Variants in HIF1A observed in about 807,000 individuals in gnomAD.
The protein encoded by HIF1A is hypoxia inducible factor 1 subunit alpha.
In HIF1A, 24 loss-of-function variants were observed where a neutral mutation model predicts 92.7. The ratio of observed to expected loss-of-function variants is 0.26; its 90% CI spans 0.19 to 0.36. HIF1A has a LOEUF of 0.36. Among genes scored for constraint, HIF1A ranks in the 10% least tolerant of loss-of-function variants. The pLI is 1.00. For missense variants in HIF1A, 799 were observed against 998.5 expected (o/e 0.80, Z 2.69); for synonymous variants, 319 against 338.7 (o/e 0.94, Z 0.64).
chr14:61,727,387 A>C (rs1053121484), intron 5 of HIF1A, 66 bp from the exon 6 acceptor site: 4 of 1,200,424 alleles, frequency 3.3e-6, no homozygotes, highest in Non-Finnish European at 5.0e-6. Flanking sequence ...TCAACTACTT[A>C]TCTCTGCTTT....
At chr14:61,724,861 T>C (rs911146726) in intron 4 of HIF1A, among the ~76,000 whole-genome samples, 1 of 152,214 alleles carries the variant, frequency 6.6e-6, no homozygotes, top group African/African-American at 2.4e-5. Context: ...CTTAAGTTAC[T>C]GATTGTGCTT....
intron 1 of HIF1A, among the ~76,000 whole-genome samples, chr14:61,712,574 CTT>C (rs1566563733): frequency 1.3e-5 from 2 of 148,248 alleles, no homozygotes; most frequent in South Asian, 2.2e-4. Flanking sequence ...TTCACTGTAA[CTT>C]ATATCTAGTA....
intron 12 of HIF1A, among the ~76,000 whole-genome samples, chr14:61,742,994 G>GATATCCA (rs2044732884): frequency 6.6e-6 from 1 of 152,016 alleles, no homozygotes; most frequent in South Asian, 2.1e-4. Context: ...CAGAGGATGG[G>GATATCCA]ATATCCAGTT....
At chr14:61,703,048 AGTCT>A (rs2044195480) in intron 1 of HIF1A, among the ~76,000 whole-genome samples, 1 of 152,214 alleles carries the variant, frequency 6.6e-6, no homozygotes, top group African/African-American at 2.4e-5. Flanking sequence ...TTTCAGATAT[AGTCT>A]GTTTTACCAT....
chr14:61,742,884 T>TAAAAA (rs2044730300), intron 12 of HIF1A, among the ~76,000 whole-genome samples: 1 of 2,784 alleles, frequency 3.6e-4, no homozygotes, highest in Non-Finnish European at 3.4e-3. Flanking sequence ...AAACTCGGTT[T>TAAAAA]CAAAAAAAAA....
At position 61,738,357 on chromosome 14, in the gene HIF1A, G is replaced by C. The variant is rs1237094820; in HGVS notation, c.1520G>C (p.Arg507Thr). 1.2e-6 allele frequency: 2 copies of C among 1,606,110 alleles called. No homozygotes were observed. The highest frequency in any genetic ancestry group is 1.3e-5 in the African/African-American group (1 of 74,532). The change falls in exon 10 of 15, where the codon AGA becomes ACA. Residue 507 changes from arginine to threonine, a missense_variant. Around this residue, in one of 2 missense-constraint regions of HIF1A, gnomAD observed 516 missense variants for 721.0 expected, o/e 0.72. Transcript: ENST00000337138. ...CCTAGTCCTTCCGATGGAAGCACTAGACAAAGTTCACCTGAGGTAGGTGTC... is the reference window on the plus strand; with the variant it reads ...CCTAGTCCTTCCGATGGAAGCACTACACAAAGTTCACCTGAGGTAGGTGTC... ...QTPSPSDGSTRQSSPEPNSPS... is the reference protein window; with the variant it reads ...QTPSPSDGSTTQSSPEPNSPS...
intron 1 of HIF1A, among the ~76,000 whole-genome samples, chr14:61,700,544 TCCAGCAACGGA>T (rs2044166003): frequency 1.3e-5 from 2 of 152,358 alleles, no homozygotes; most frequent in African/African-American, 4.8e-5. Context: ...TCTCCATTCA[TCCAGCAACGGA>T]CACTTGGGTT....
chr14:61,729,902 T>C (rs1389588194), intron 6 of HIF1A, among the ~76,000 whole-genome samples: 1 of 152,272 alleles, frequency 6.6e-6, no homozygotes, highest in Middle Eastern at 3.4e-3. Flanking sequence ...TTTAGAGCTC[T>C]TTCCAGGAAC....
At chr14:61,734,678 T>C (rs944883200) in intron 8 of HIF1A, among the ~76,000 whole-genome samples, 3 of 152,108 alleles carry the variant, frequency 2.0e-5, no homozygotes, top group Admixed American at 6.5e-5. Context: ...CTCCCTGACC[T>C]TGGGGAAGTC....
chr14:61,738,514 T>C (rs2044667209), intron 10 of HIF1A, 141 bp downstream of exon 10: 12 of 793,892 alleles, frequency 1.5e-5, no homozygotes, highest in South Asian at 1.2e-4. Flanking sequence ...TTTAAAATTA[T>C]TGCAAGAGCT....
chr14:61,702,454 A>C (rs912931457), intron 1 of HIF1A, among the ~76,000 whole-genome samples: 1 of 150,904 alleles, frequency 6.6e-6, no homozygotes, highest in African/African-American at 2.4e-5. Context: ...AAAAAAAAAA[A>C]AAATTAAAAA....
intron 8 of HIF1A, among the ~76,000 whole-genome samples, chr14:61,736,199 A>ACTC (rs1254372251): frequency 6.6e-6 from 1 of 151,372 alleles, no homozygotes; most frequent in East Asian, 1.9e-4. Context: ...AGGCTCTTGA[A>ACTC]CTCCCAGGCT....
rs139128917 is a variant in HIF1A at position 61,745,041 on chromosome 14, G to C, written c.2202+228G>C. 9.9e-5 allele frequency among the ~76,000 whole-genome samples: 15 copies of C among 152,208 alleles called. No homozygotes were observed. In the East Asian group the frequency reaches 2.9e-3, roughly 29 times the overall value. ...ATTCCAAACAATTCCAGTGTATTTT[G>C]AGTTAAAAAGTGAAGTTCTCCCCTT... On this transcript the variant is annotated intron_variant, in intron 13 of 14. Transcript: ENST00000337138.
rs368896131 is a variant in HIF1A at position 61,719,209 on chromosome 14, C to A, written c.36-1173C>A. 1.7e-3 allele frequency among the ~76,000 whole-genome samples: 261 copies of A among 152,234 alleles called. 4 individuals are homozygous for A. The highest frequency in any genetic ancestry group is 4.0e-3 in the Admixed American group (61 of 15,300). ...CTAAAAGTCCTTATTTAGCATACTG[C>A]CCAATGCTCACTAAATCATAATAGC... On this transcript the variant is annotated intron_variant, in intron 1 of 14. Coordinates refer to ENST00000337138, the MANE Select transcript of HIF1A (RefSeq NM_001530.4).
chr14:61,712,968 A>C (rs541131430), intron 1 of HIF1A, among the ~76,000 whole-genome samples: 8 of 152,162 alleles, frequency 5.3e-5, no homozygotes, highest in Non-Finnish European at 8.8e-5. Context: ...GAAAAAAAAA[A>C]AAAACAGAAA....
At chr14:61,723,885 T>C (rs541244368) in intron 4 of HIF1A, among the ~76,000 whole-genome samples, 1 of 152,344 alleles carries the variant, frequency 6.6e-6, no homozygotes, top group South Asian at 2.1e-4. Context: ...TAATGAATTA[T>C]TGATGTTCCA....
At chr14:61,723,548 T>C (rs908226024) in intron 4 of HIF1A, among the ~76,000 whole-genome samples, 1 of 152,246 alleles carries the variant, frequency 6.6e-6, no homozygotes, top group Non-Finnish European at 1.5e-5. Flanking sequence ...ATTGTGTTTT[T>C]ACTGTTAATT....
rs1566573924 is a variant in HIF1A at position 61,734,200 on chromosome 14, G to A, written c.943G>A (p.Val315Ile). 1 of 1,612,812 alleles carries A rather than the reference G, an allele frequency of 6.2e-7. No homozygotes were observed. Among genetic ancestry groups the A allele is most frequent in the East Asian group, 2.2e-5 (1 of 44,846 alleles). The change falls in exon 8 of 15, where the codon GTC becomes ATC. Residue 315 changes from valine to isoleucine, a missense_variant. By Grantham distance (29) the Val-to-Ile change is conservative. This residue lies in a region of HIF1A where 516 missense variants were observed against 721.0 expected (regional missense o/e 0.72). Coordinates refer to ENST00000337138, the MANE Select transcript of HIF1A (RefSeq NM_001530.4). ...YRMLAKRGGY[V>I]WVETQATVIY... is the part of the protein sequence containing the mutation. ...GATGCTTGCCAAAAGAGGTGGATAT[G>A]TCTGGGTTGAAACTCAAGCAACTGT...
intron 1 of HIF1A, among the ~76,000 whole-genome samples, chr14:61,708,313 T>A (rs1186925860): frequency 6.6e-6 from 1 of 152,206 alleles, no homozygotes; most frequent in Non-Finnish European, 1.5e-5. Flanking sequence ...TTTAATTAGA[T>A]CCTATTTGTC....
Sources: allele counts gnomAD v4.1 joint callset (sites outside exome capture counted in the v4.1 genomes callset), GRCh38; gene constraint gnomAD v4.1.1; regional missense constraint gnomAD v4.1.1; transcripts MANE v1.5; gene names NCBI Gene and HGNC (gene_info 2026-07-23, HGNC 2026-07-21).